Variants in PALM2AKAP2 observed in about 807,000 individuals in gnomAD.
PALM2AKAP2 encodes PALM2 and AKAP2 fusion.
Under a neutral mutation model 71.5 loss-of-function variants are expected in PALM2AKAP2, and 37 were observed. That is an observed-to-expected ratio of 0.52 (90% CI 0.40 to 0.68). The LOEUF (loss-of-function observed/expected upper bound fraction) is 0.68. Among genes scored for constraint, PALM2AKAP2 ranks in the 30% least tolerant of loss-of-function variants. PALM2AKAP2 has a pLI of 0.00. For missense variants in PALM2AKAP2, 1,224 were observed against 1,191.8 expected, an observed-to-expected ratio of 1.03 and a Z score of -0.40; for synonymous variants, 468 against 478.8, an observed-to-expected ratio of 0.98 and a Z score of 0.29.
rs1025661639 is a variant in PALM2AKAP2 at position 110,142,429 on chromosome 9, T to C, written c.2569+3890T>C. Among the ~76,000 whole-genome samples the C allele has an allele frequency of 3.3e-5, 5 of 152,272 alleles. No homozygotes were observed. In the East Asian group the frequency reaches 9.6e-4, roughly 29 times the overall value. On this transcript the variant is annotated intron_variant, in intron 2 of 3. Coordinates refer to ENST00000374525, the Ensembl canonical transcript of PALM2AKAP2. Reference sequence around the variant, plus strand: ...TTTAAAGGAAGAAGCTCCACTTAAATAGAATTTGAGTGACATTTGTTTATA... The same window carrying C: ...TTTAAAGGAAGAAGCTCCACTTAAACAGAATTTGAGTGACATTTGTTTATA...
At chr9:109,703,505 G>A (rs1828095746) in intron 1 of PALM2AKAP2, among the ~76,000 whole-genome samples, 1 of 151,770 alleles carries the variant, frequency 6.6e-6, no homozygotes, top group Non-Finnish European at 1.5e-5. Context: ...TTTTATAATG[G>A]CAAAATTTTT....
At chr9:110,009,997 A>G (rs1832851709) in intron 6 of PALM2AKAP2, among the ~76,000 whole-genome samples, 1 of 152,108 alleles carries the variant, frequency 6.6e-6, no homozygotes, top group Non-Finnish European at 1.5e-5. Context: ...GGCGCTAAGG[A>G]ATTGGAGCCT....
At chr9:110,102,989 T>G (rs1013930413) in intron 1 of PALM2AKAP2, among the ~76,000 whole-genome samples, 52 of 152,146 alleles carry the variant, frequency 3.4e-4, no homozygotes, top group African/African-American at 1.1e-3. Flanking sequence ...CACTCCCATC[T>G]CAGGGTTTCT....
rs1251478215 is a variant in PALM2AKAP2 at position 109,943,575 on chromosome 9, T to A, written c.496+11547T>A. ...TTGCTTTGATCTCTCTCATTTTTTT[T>A]CCTTTTCCTCACCTGAGAGACAACG... is the stretch of plus-strand genomic sequence containing the variant. On this transcript the variant is annotated intron_variant, in intron 6 of 9. Coordinates refer to the PALM2AKAP2 transcript ENST00000302798. The A allele has an allele frequency of 1.0e-5, 12 of 1,149,898 alleles. No individual in the cohort carries two copies. The Admixed American group carries it at 2.8e-4, about 27-fold the overall frequency. The allele number at this position is 1,149,898 out of a possible 1,614,324, so 71.2% of individuals were successfully genotyped here.
At chr9:110,155,190 G>C (rs901552158) in intron 2 of PALM2AKAP2, among the ~76,000 whole-genome samples, 2 of 152,218 alleles carry the variant, frequency 1.3e-5, no homozygotes, top group Non-Finnish European at 2.9e-5. Context: ...AGCCTGGGAT[G>C]TAAGATGAAG....
At chr9:110,055,880 C>T (rs572804375) in intron 1 of PALM2AKAP2, among the ~76,000 whole-genome samples, 1 of 152,264 alleles carries the variant, frequency 6.6e-6, no homozygotes, top group Admixed American at 6.5e-5. Flanking sequence ...GTAACTGCCA[C>T]CATACCACAG....
intron 1 of PALM2AKAP2, among the ~76,000 whole-genome samples, chr9:110,088,190 G>A (rs927721565): frequency 6.8e-6 from 1 of 146,140 alleles, no homozygotes; most frequent in Non-Finnish European, 1.5e-5. Context: ...AGAATTGTCT[G>A]GGGTTTAAAT....
intron 3 of PALM2AKAP2, among the ~76,000 whole-genome samples, chr9:110,165,886 AT>A (rs1276825107): frequency 6.6e-6 from 1 of 152,210 alleles, no homozygotes; most frequent in Non-Finnish European, 1.5e-5. Flanking sequence ...AGCAAACTCA[AT>A]TTGCTCAAGT....
At chr9:109,895,544 G>C (rs926459769) in intron 3 of PALM2AKAP2, among the ~76,000 whole-genome samples, 1 of 152,090 alleles carries the variant, frequency 6.6e-6, no homozygotes, top group African/African-American at 2.4e-5. Flanking sequence ...TTTTTCATTC[G>C]GTAAGATCCA....
rs760805177 is a variant in PALM2AKAP2, at chr9:110,048,868, G to A, written c.156+13G>A. The A allele has an allele frequency of 4.3e-5, 65 of 1,526,030 alleles. No homozygotes were observed. The South Asian group carries it at 6.3e-4, about 15-fold the overall frequency. 94.5% of individuals were successfully genotyped at this position (1,526,030 alleles called of 1,614,324 possible). On this transcript the variant is annotated intron_variant, in intron 1 of 3. Coordinates refer to ENST00000374525, the Ensembl canonical transcript of PALM2AKAP2. ...CGGGCGCCCAGAGGTGGGTGTCCAA[G>A]CTGGGGAGGGGAGGGGCTGGAGTGT...
intron 2 of PALM2AKAP2, among the ~76,000 whole-genome samples, chr9:110,143,429 AAAAG>A (rs1836085494): frequency 6.6e-6 from 1 of 151,328 alleles, no homozygotes; most frequent in African/African-American, 2.4e-5. Context: ...AAAAAAAAAA[AAAAG>A]GAGAGAGAGA....
chr9:110,035,375 C>CATATAAT (rs1564271373), intron 7 of PALM2AKAP2, among the ~76,000 whole-genome samples: 4 of 69,116 alleles, frequency 5.8e-5, no homozygotes, highest in African/African-American at 4.3e-4. Flanking sequence ...ATATTATATA[C>CATATAAT]ATATATTATA....
intron 6 of PALM2AKAP2, chr9:109,942,847 G>A (rs777919306): frequency 2.3e-5 from 37 of 1,614,026 alleles, no homozygotes; most frequent in Middle Eastern, 1.6e-4. Context: ...AGGAGGCACC[G>A]TAGTAGAAAA....
At chr9:110,020,814 C>G (rs547047994) in intron 7 of PALM2AKAP2, among the ~76,000 whole-genome samples, 1 of 152,092 alleles carries the variant, frequency 6.6e-6, no homozygotes, top group South Asian at 2.1e-4. Context: ...TTTGCAGATA[C>G]AATTAACAAT....
chr9:109,986,824 A>G (rs777749649), intron 6 of PALM2AKAP2, among the ~76,000 whole-genome samples: 21 of 152,222 alleles, frequency 1.4e-4, no homozygotes, highest in Non-Finnish European at 2.9e-4. Context: ...TCTAAATCAT[A>G]GGCTTGGAAT....
chr9:109,975,063 C>T (rs1449078888), intron 6 of PALM2AKAP2, among the ~76,000 whole-genome samples: 2 of 134,082 alleles, frequency 1.5e-5, no homozygotes, highest in Non-Finnish European at 3.1e-5. Flanking sequence ...TGCACGTGCA[C>T]ACACACACAC....
In PALM2AKAP2 at chr9:110,032,851, A is replaced by G. The variant is rs921062188; in HGVS notation, c.582+16812A>G. Among the ~76,000 whole-genome samples, 5 of 152,032 alleles carry G rather than the reference A, an allele frequency of 3.3e-5. No homozygotes were observed. In the East Asian group the frequency reaches 9.7e-4, roughly 29 times the overall value. ...TACTCAGGAGACAGGTGGGAGAATC[A>G]CTTGAGCCTGGGAGGATGAGGCTGC... On this transcript the variant is annotated intron_variant, in intron 7 of 9. Transcript: ENST00000302798.
At chr9:109,868,268 G>A (rs1224810744) in intron 2 of PALM2AKAP2, among the ~76,000 whole-genome samples, 1 of 152,168 alleles carries the variant, frequency 6.6e-6, no homozygotes, top group Non-Finnish European at 1.5e-5. Flanking sequence ...ATTGATTACA[G>A]CTCAGGAGAA....
intron 1 of PALM2AKAP2, among the ~76,000 whole-genome samples, chr9:110,125,932 T>C (rs1245111090): frequency 2.6e-5 from 4 of 152,200 alleles, no homozygotes; most frequent in Admixed American, 2.0e-4. Context: ...TGAGAATCTG[T>C]GTGCCCTTTT....
Sources: gnomAD v4.1 joint callset for allele counts (sites outside exome capture counted in the v4.1 genomes callset) on GRCh38, gnomAD v4.1.1 for gene constraint, MANE v1.5 for transcripts, NCBI Gene and HGNC (gene_info 2026-07-23, HGNC 2026-07-21) for gene names.